The following TMPRSS13 variants were observed in gnomAD, a reference collection of about 807,000 sequenced individuals.
The protein encoded by TMPRSS13 is transmembrane protease serine 13.
In TMPRSS13, 50 loss-of-function variants were observed where a neutral mutation model predicts 68.4. That is an observed-to-expected ratio of 0.73 (90% CI 0.58 to 0.93). The LOEUF is 0.93. TMPRSS13 is among the 40% of genes least tolerant of loss of function. The pLI is 0.00. For synonymous variants in TMPRSS13, 267 were observed against 285.8 expected (o/e 0.93, Z 0.66); for missense variants, 615 against 729.2 (o/e 0.84, Z 1.80).
chr11:117,919,759 G>A (rs907678701), intron 1 of TMPRSS13, among the ~76,000 whole-genome samples: 13 of 152,258 alleles, frequency 8.5e-5, no homozygotes, highest in Admixed American at 3.3e-4. Flanking sequence ...CCATTTTACA[G>A]ATAGGAAAGC....
chr11:117,902,046 T>C lies in TMPRSS13; in HGVS notation c.*193A>G, dbSNP rs938520107. ...ACAGCTCTGCTGGTTTCTGAAAAAC[T>C]TGGGAGAGTGGCAATGCACACATAT... On this transcript the variant is annotated 3_prime_UTR_variant, in exon 13 of 13. Coordinates refer to ENST00000524993, the MANE Select transcript of TMPRSS13 (RefSeq NM_001077263.3). 3.5e-5 allele frequency: 23 copies of C among 647,914 alleles called. No individual in the cohort carries two copies. The highest frequency in any genetic ancestry group is 3.1e-4 in the Admixed American group (12 of 38,808). The allele number at this position is 647,914 out of a possible 1,614,324, so 40.1% of individuals were successfully genotyped here.
At position 117,914,594 on chromosome 11, in the gene TMPRSS13, T is replaced by C; in HGVS notation, c.557-80A>G. On this transcript the variant is annotated intron_variant, in intron 3 of 12. Transcript: ENST00000524993. The surrounding 1 kb of genome is among the most constrained non-coding windows in gnomAD (Gnocchi z 4.2). ...ACTGAGCAGCCCAAGGACCTGGGGG[T>C]TCTGAGACACCGACCTGCAATCCCT... The C allele has an allele frequency of 6.3e-7, 1 of 1,585,368 alleles. No homozygotes were observed. The highest frequency in any genetic ancestry group is 1.7e-5 in the Admixed American group (1 of 57,764).
chr11:117,912,315 C>T (rs139187517), intron 5 of TMPRSS13, among the ~76,000 whole-genome samples: 2 of 152,134 alleles, frequency 1.3e-5, no homozygotes, highest in Non-Finnish European at 2.9e-5. Context: ...CAGCAGCAAC[C>T]CCCCCAGACC....
chr11:117,928,701 T>C (rs1471896784), intron 1 of TMPRSS13, among the ~76,000 whole-genome samples: 1 of 152,018 alleles, frequency 6.6e-6, no homozygotes, highest in Non-Finnish European at 1.5e-5. Context: ...GGAAGTTGAG[T>C]GGTAGCAGGA....
chr11:117,923,567 T>A (rs11216626), intron 1 of TMPRSS13, among the ~76,000 whole-genome samples: 8,018 of 152,132 alleles, frequency 0.053, 288 homozygotes, highest in East Asian at 0.17. Flanking sequence ...AATATGCACT[T>A]CAGGTCCCCC....
At chr11:117,921,187 G>A (rs2057642857) in intron 1 of TMPRSS13, among the ~76,000 whole-genome samples, 1 of 152,168 alleles carries the variant, frequency 6.6e-6, no homozygotes, top group Non-Finnish European at 1.5e-5. Context: ...TTCTAACCAG[G>A]CCTGCTTGGA....
At chr11:117,906,020 C>T (rs1421529874) in intron 9 of TMPRSS13, among the ~76,000 whole-genome samples, 1 of 152,212 alleles carries the variant, frequency 6.6e-6, no homozygotes, top group Non-Finnish European at 1.5e-5. Context: ...TTGGAAGCTC[C>T]CTTGTACAAG....
rs144243725 is a variant in TMPRSS13 at position 117,913,185 on chromosome 11, T to C, written c.809+592A>G. ...CCAAGAGGGAGGATGGAGATGCGTG[T>C]CTGGGCTGAAAATCAGACACTTCTT... is the stretch of plus-strand genomic sequence containing the variant. On this transcript the variant is annotated intron_variant, in intron 5 of 12. Coordinates refer to ENST00000524993, the MANE Select transcript of TMPRSS13 (RefSeq NM_001077263.3). Among the ~76,000 whole-genome samples, 6 of 152,300 alleles carry C rather than the reference T, an allele frequency of 3.9e-5. No homozygotes were observed. The East Asian group carries it at 1.2e-3, about 29-fold the overall frequency.
chr11:117,921,940 G>A (rs1378812138), intron 1 of TMPRSS13, among the ~76,000 whole-genome samples: 1 of 152,136 alleles, frequency 6.6e-6, no homozygotes. Flanking sequence ...TCCACCCCCT[G>A]ACTCTGACCC....
chr11:117,906,027 C>T (rs936157439), intron 9 of TMPRSS13, among the ~76,000 whole-genome samples: 2 of 152,258 alleles, frequency 1.3e-5, no homozygotes, highest in African/African-American at 4.8e-5. Flanking sequence ...CTCCCTTGTA[C>T]AAGCCGATAC....
chr11:117,910,880 G>T (rs566190745), intron 6 of TMPRSS13, 130 bp from the exon 7 acceptor site: 8 of 793,206 alleles, frequency 1.0e-5, no homozygotes, highest in Admixed American at 5.5e-5. Context: ...GGAAGCAGGA[G>T]ATTCTGAGCT....
At chr11:117,912,858 A>G (rs577832981) in intron 5 of TMPRSS13, among the ~76,000 whole-genome samples, 7 of 152,310 alleles carry the variant, frequency 4.6e-5, no homozygotes, top group Non-Finnish European at 7.4e-5. Flanking sequence ...TAAAAGCTCA[A>G]TGAATATTCT....
chr11:117,905,490 T>A, intron 10 of TMPRSS13, 148 bp downstream of exon 10: 1 of 571,180 alleles, frequency 1.8e-6, no homozygotes, highest in Non-Finnish European at 3.1e-6. Flanking sequence ...ACACACATAA[T>A]CACACCCAGG....
In TMPRSS13 at chr11:117,901,649, G is replaced by T. The variant is rs1319675870; in HGVS notation, c.*590C>A. 2.6e-5 allele frequency: 4 copies of T among 153,080 alleles called. No individual in the cohort carries two copies. The highest frequency in any genetic ancestry group is 9.6e-5 in the African/African-American group (4 of 41,466). The allele number at this position is 153,080 out of a possible 1,614,324, so 9.5% of individuals were successfully genotyped here. On this transcript the variant is annotated 3_prime_UTR_variant, in exon 13 of 13. Coordinates refer to ENST00000524993, the MANE Select transcript of TMPRSS13 (RefSeq NM_001077263.3). ...AGTACAGTGAATCCTCATCTCAGTT[G>T]TCAGCCTGGTTAGCCACAGCACAGT...
In TMPRSS13 at chr11:117,915,909, G is replaced by C; in HGVS notation, c.556+1261C>G. ...GCAGGCACCATGCCGAGGCCTTTATGTGCATTATGACAAAGACCACCCCAC... is the reference window on the plus strand; with the variant it reads ...GCAGGCACCATGCCGAGGCCTTTATCTGCATTATGACAAAGACCACCCCAC... On this transcript the variant is annotated intron_variant, in intron 3 of 12. Transcript: ENST00000524993. This position sits in a 1 kb window ranked among gnomAD's most constrained non-coding sequence, Gnocchi z 4.9. Among the ~76,000 whole-genome samples the C allele has an allele frequency of 6.6e-6, 1 of 152,196 alleles. No homozygotes were observed. The highest frequency in any genetic ancestry group is 1.9e-4 in the East Asian group (1 of 5,192).
chr11:117,913,825 C>T lies in TMPRSS13; in HGVS notation c.761G>A (p.Trp254Ter), dbSNP rs755254768. The T allele has an allele frequency of 6.2e-7, 1 of 1,614,112 alleles. No individual in the cohort carries two copies. The highest frequency in any genetic ancestry group is 1.1e-5 in the South Asian group (1 of 91,078). The change falls in exon 5 of 13, where the codon TGG becomes TAG. Residue 254 changes from tryptophan (W) to a stop codon, truncating the protein, a stop_gained. Coordinates refer to ENST00000524993, the MANE Select transcript of TMPRSS13 (RefSeq NM_001077263.3). LOFTEE classifies it high-confidence loss of function. ...HQWLPICSSN[W>*]NDSYSEKTCQ... ...GGTCTTCTCTGAGTAGGAGTCATTCCAGTTGCTGCTACAGATGGGAAGCCA... is the reference window on the plus strand; with the variant it reads ...GGTCTTCTCTGAGTAGGAGTCATTCTAGTTGCTGCTACAGATGGGAAGCCA...
Position 117,915,626 on chromosome 11 carries a change from GTC to G in TMPRSS13, c.557-1114_557-1113del, listed in dbSNP as rs1433216631. Reference sequence around the variant, plus strand: ...TGGGAGTCAGGAGGCCTGGGCTCTAGTCCTGACCCCACCAGGTAGCTGCTTGG... The same window carrying G: ...TGGGAGTCAGGAGGCCTGGGCTCTAGCTGACCCCACCAGGTAGCTGCTTGG... On this transcript the variant is annotated intron_variant, in intron 3 of 12. Coordinates refer to ENST00000524993, the MANE Select transcript of TMPRSS13 (RefSeq NM_001077263.3). The surrounding 1 kb of genome is among the most constrained non-coding windows in gnomAD (Gnocchi z 4.9). Among the ~76,000 whole-genome samples, 2 of 152,326 alleles carry G rather than the reference GTC, an allele frequency of 1.3e-5. No homozygotes were observed. Among genetic ancestry groups the G allele is most frequent in the African/African-American group, 4.8e-5 (2 of 41,570 alleles).
At chr11:117,924,014 G>T (rs577499266) in intron 1 of TMPRSS13, among the ~76,000 whole-genome samples, 2 of 151,776 alleles carry the variant, frequency 1.3e-5, no homozygotes, top group South Asian at 4.2e-4. Flanking sequence ...ACCCAGGGTT[G>T]GGCATATCAC....
At chr11:117,912,548 A>G (rs1266446455) in intron 5 of TMPRSS13, among the ~76,000 whole-genome samples, 1 of 152,200 alleles carries the variant, frequency 6.6e-6, no homozygotes, top group African/African-American at 2.4e-5. Context: ...TACTCTCTGC[A>G]TGGAACATAT....
Sources: gnomAD v4.1 joint callset for allele counts (sites outside exome capture counted in the v4.1 genomes callset) on GRCh38, gnomAD v4.1.1 for gene constraint, Gnocchi (gnomAD v3.1) non-coding constraint, MANE v1.5 for transcripts, NCBI Gene and HGNC (gene_info 2026-07-23, HGNC 2026-07-21) for gene names.